The following TRIO variants were observed in gnomAD, a reference collection of about 807,000 sequenced individuals.
TRIO encodes the protein triple functional domain protein.
TRIO carries 58 observed loss-of-function variants against 351.9 expected under a neutral mutation model. That is an observed-to-expected ratio of 0.16 (90% CI 0.13 to 0.21). TRIO has a LOEUF of 0.21. Among genes scored for constraint, TRIO ranks in the 10% least tolerant of loss-of-function variants. The pLI is 1.00. For missense variants in TRIO, 3,201 were observed against 4,027.8 expected (o/e 0.79, Z 5.56); for synonymous variants, 1,758 against 1,595.7 (o/e 1.10, Z -2.42).
rs1757997276 is a variant in TRIO, at chr5:14,510,193, A to T, written c.*1771A>T. ...CATCAGTTATTTTAAAAAATTAAAC[A>T]TATTTGCCTGATTTTTGTGTTAGGC... is the stretch of plus-strand genomic sequence containing the variant. On this transcript the variant is annotated 3_prime_UTR_variant, in exon 57 of 57. Transcript: ENST00000344204. The T allele has an allele frequency of 6.6e-6, 1 of 152,206 alleles. No individual in the cohort carries two copies. Among genetic ancestry groups the T allele is most frequent in the South Asian group, 2.1e-4 (1 of 4,836 alleles). 9.4% of individuals were successfully genotyped at this position (152,206 alleles called of 1,614,324 possible).
intron 1 of TRIO, among the ~76,000 whole-genome samples, chr5:14,149,370 T>C (rs1787694010): frequency 6.6e-6 from 1 of 152,346 alleles, no homozygotes; most frequent in South Asian, 2.1e-4. Context: ...GGTTAACAAG[T>C]GCATAAACAC....
chr5:14,288,828 G>A (rs1215260597), intron 4 of TRIO, among the ~76,000 whole-genome samples: 1 of 152,106 alleles, frequency 6.6e-6, no homozygotes, highest in African/African-American at 2.4e-5. Context: ...TTCTCTTTTG[G>A]TTCTAGGTCA....
chr5:14,419,539 T>C (rs773805025), intron 33 of TRIO, among the ~76,000 whole-genome samples: 1 of 152,172 alleles, frequency 6.6e-6, no homozygotes, highest in Non-Finnish European at 1.5e-5. Context: ...AAAAAATGAG[T>C]GTATATATAA....
chr5:14,381,625 G>T (rs2152354539), intron 21 of TRIO, among the ~76,000 whole-genome samples: 1 of 152,258 alleles, frequency 6.6e-6, no homozygotes. Context: ...TATTCTTGGG[G>T]TGTTTTCTTT....
Position 14,497,125 on chromosome 5 carries a change from C to A in TRIO, c.8019+108C>A. On this transcript the variant is annotated intron_variant, in intron 50 of 56. Coordinates refer to ENST00000344204, the MANE Select transcript of TRIO (RefSeq NM_007118.4). This position sits in a 1 kb window ranked among gnomAD's most constrained non-coding sequence, Gnocchi z 4.4. ...AGCTGGGCTTGCTTATGACCTCCCTCCCACCCACCAGCCCCGTGCCCTGCG... is the reference window on the plus strand; with the variant it reads ...AGCTGGGCTTGCTTATGACCTCCCTACCACCCACCAGCCCCGTGCCCTGCG... 1 of 1,474,172 alleles carries A rather than the reference C, an allele frequency of 6.8e-7. No individual in the cohort carries two copies. 91.3% of individuals were successfully genotyped at this position (1,474,172 alleles called of 1,614,324 possible).
intron 1 of TRIO, among the ~76,000 whole-genome samples, chr5:14,157,267 C>T (rs17298767): frequency 0.08 from 12,200 of 152,288 alleles, 561 homozygotes; most frequent in Middle Eastern, 0.16. Flanking sequence ...GTTTCTGCCT[C>T]AGTGCGGGAT....
At chr5:14,197,275 G>A (rs371622553) in intron 1 of TRIO, among the ~76,000 whole-genome samples, 2 of 145,188 alleles carry the variant, frequency 1.4e-5, no homozygotes, top group East Asian at 2.1e-4. Flanking sequence ...TGCTGTGGTG[G>A]TAATTACATA....
rs768583986 is a variant in TRIO, at chr5:14,476,977, C to T, written c.6153+14C>T. 2.5e-5 allele frequency: 40 copies of T among 1,606,638 alleles called. No homozygotes were observed. The highest frequency in any genetic ancestry group is 1.5e-4 in the Admixed American group (9 of 59,888). On this transcript the variant is annotated intron_variant, in intron 41 of 56. Transcript: ENST00000344204. ...TTTGTTAAACACGTAAGCACAATAG[C>T]ATTGCTTATATCCTGTTCTGATGGT...
chr5:14,481,533 TC>T lies in TRIO; in HGVS notation c.6388-5del, dbSNP rs773725056. Reference sequence around the variant, plus strand: ...TGAGCTTTCACTCTTCTCTCTCCCCTCCCACAGAGAGCTGTGGAAGTCATGT... The same window carrying T: ...TGAGCTTTCACTCTTCTCTCTCCCCTCCACAGAGAGCTGTGGAAGTCATGT... On this transcript the variant is annotated splice_region_variant and splice_polypyrimidine_tract_variant and intron_variant, in intron 44 of 56. Coordinates refer to ENST00000344204, the MANE Select transcript of TRIO (RefSeq NM_007118.4). The T allele has an allele frequency of 6.2e-7, 1 of 1,613,990 alleles. No homozygotes were observed. Among genetic ancestry groups the T allele is most frequent in the African/African-American group, 1.3e-5 (1 of 75,002 alleles).
intron 1 of TRIO, among the ~76,000 whole-genome samples, chr5:14,213,284 C>G (rs920325049): frequency 6.6e-6 from 1 of 151,310 alleles, no homozygotes. Context: ...TCTAAATTAT[C>G]AGGTTAATAT....
chr5:14,449,380 T>C (rs1035884962), intron 34 of TRIO, among the ~76,000 whole-genome samples: 9 of 152,174 alleles, frequency 5.9e-5, no homozygotes, highest in African/African-American at 2.2e-4. Flanking sequence ...TTCTGTTTGG[T>C]GACATCGACG....
chr5:14,148,195 A>G (rs901781392), intron 1 of TRIO, among the ~76,000 whole-genome samples: 4 of 152,236 alleles, frequency 2.6e-5, no homozygotes, highest in Non-Finnish European at 2.9e-5. Context: ...ATTTAAATGA[A>G]GCCGGTGGTG....
At chr5:14,190,190 A>T (rs2083340913) in intron 1 of TRIO, among the ~76,000 whole-genome samples, 1 of 152,108 alleles carries the variant, frequency 6.6e-6, no homozygotes, top group African/African-American at 2.4e-5. Flanking sequence ...TTCCAAAGGA[A>T]TTGCTTCCTC....
Position 14,508,018 on chromosome 5 carries a change from A to G in TRIO, c.8890A>G (p.Ile2964Val). 3 of 1,614,226 alleles carry G rather than the reference A, an allele frequency of 1.9e-6. No homozygotes were observed. The highest frequency in any genetic ancestry group is 2.5e-6 in the Non-Finnish European group (3 of 1,180,044). Residue 2964 changes from isoleucine to valine, a missense_variant, in exon 57 of 57, where the codon ATC becomes GTC. Ile to Val is a conservative substitution (Grantham distance 29). Coordinates refer to ENST00000344204, the MANE Select transcript of TRIO (RefSeq NM_007118.4). ...CCCTGAATTCGCAGCCCCTGAAATC[A>G]TCCTCGGGAACCCTGTCTCCCTGAC... ...GNPEFAAPEI[I>V]LGNPVSLTSD...
intron 10 of TRIO, among the ~76,000 whole-genome samples, chr5:14,331,722 C>T (rs1740920246): frequency 6.6e-6 from 1 of 152,124 alleles, no homozygotes; most frequent in Admixed American, 6.5e-5. Context: ...GCAGTCACCT[C>T]AGGAAGCACT....
At chr5:14,498,029 G>A in intron 51 of TRIO, 60 bp from the exon 52 acceptor site, 1 of 1,611,762 alleles carries the variant, frequency 6.2e-7, no homozygotes, top group East Asian at 2.2e-5. Context: ...GGGGACATGT[G>A]GGTGGGTGTG....
chr5:14,193,422 A>C (rs1581320071), intron 1 of TRIO, among the ~76,000 whole-genome samples: 1 of 152,302 alleles, frequency 6.6e-6, no homozygotes, highest in Non-Finnish European at 1.5e-5. Flanking sequence ...AATTGACCAT[A>C]TTTTCTGTTT....
intron 33 of TRIO, among the ~76,000 whole-genome samples, chr5:14,413,326 A>G (rs975384582): frequency 2.6e-5 from 4 of 152,204 alleles, no homozygotes; most frequent in Admixed American, 1.3e-4. Flanking sequence ...TGCGTAAAGC[A>G]CCTTTCCAGC....
At chr5:14,507,415 C>CTT (rs1757775248) in intron 56 of TRIO, among the ~76,000 whole-genome samples, 155 bp downstream of exon 56, 1 of 151,336 alleles carries the variant, frequency 6.6e-6, no homozygotes, top group African/African-American at 2.4e-5. Flanking sequence ...GCTAATCTCT[C>CTT]TCTCTAAGCG....
Sources: allele counts gnomAD v4.1 joint callset (sites outside exome capture counted in the v4.1 genomes callset), GRCh38; gene constraint gnomAD v4.1.1; non-coding constraint Gnocchi (gnomAD v3.1); transcripts MANE v1.5; gene names NCBI Gene and HGNC (gene_info 2026-07-23, HGNC 2026-07-21).